The following GIGYF2 variants were observed in gnomAD, a reference collection of about 807,000 sequenced individuals.
The protein encoded by GIGYF2 is GRB10-interacting GYF protein 2.
In GIGYF2, 25 loss-of-function variants were observed where a neutral mutation model predicts 208.1. The ratio of observed to expected loss-of-function variants is 0.12; its 90% confidence interval spans 0.09 to 0.17. GIGYF2 has a LOEUF of 0.17. GIGYF2 is among the 10% of genes least tolerant of loss of function. The pLI, the probability that GIGYF2 is intolerant of heterozygous loss-of-function variation, is 1.00. For missense variants in GIGYF2, 1,302 were observed against 1,579.4 expected, an observed-to-expected ratio of 0.82 and a Z score of 2.98; for synonymous variants, 534 against 543.8, an observed-to-expected ratio of 0.98 and a Z score of 0.25.
At chr2:232,769,406 C>A (rs1054740396) in intron 8 of GIGYF2, among the ~76,000 whole-genome samples, 1 of 150,460 alleles carries the variant, frequency 6.6e-6, no homozygotes, top group African/African-American at 2.4e-5. Flanking sequence ...TGGCACATGC[C>A]TGTAATCCCA....
Position 232,833,086 on chromosome 2 carries a change from A to G in GIGYF2, c.2759A>G (p.Gln920Arg), listed in dbSNP as rs1325439998. Residue 920 changes from glutamine (Q) to arginine (R), a missense_variant, in exon 22 of 29, where the codon CAG becomes CGG. Physicochemically the swap from Gln to Arg is conservative, Grantham distance 43 (BLOSUM62 1). Around this residue, in one of 8 missense-constraint regions of GIGYF2, gnomAD observed 701 missense variants for 793.0 expected, o/e 0.88. Coordinates refer to ENST00000373563, the MANE Select transcript of GIGYF2 (RefSeq NM_001103146.3). ...CAGCAGCAGCAACAACAGCTGGCGC[A>G]GATGAAGGTAAAGCCCGAGGCATCA... ...QQQQQQQQLA[Q>R]MKLPSSSTWG... 1 of 1,550,968 alleles carries G rather than the reference A, an allele frequency of 6.4e-7. No homozygotes were observed. Among genetic ancestry groups the G allele is most frequent in the Non-Finnish European group, 8.7e-7 (1 of 1,146,358 alleles).
intron 5 of GIGYF2, among the ~76,000 whole-genome samples, chr2:232,755,727 G>T (rs904717949): frequency 1.3e-5 from 2 of 152,068 alleles, no homozygotes; most frequent in African/African-American, 4.8e-5. Flanking sequence ...TATGATTCCT[G>T]TCATTCTGTT....
At chr2:232,698,806 A>T (rs973271194) in intron 1 of GIGYF2, among the ~76,000 whole-genome samples, 6 of 152,216 alleles carry the variant, frequency 3.9e-5, no homozygotes, top group African/African-American at 1.4e-4. Context: ...GTAGTGCTTC[A>T]CCAGAAAGGA....
chr2:232,774,339 T>G (rs1423406839), intron 8 of GIGYF2, among the ~76,000 whole-genome samples: 1 of 152,168 alleles, frequency 6.6e-6, no homozygotes, highest in African/African-American at 2.4e-5. Flanking sequence ...TTCAGACCTA[T>G]TATTTGTAGG....
intron 5 of GIGYF2, among the ~76,000 whole-genome samples, chr2:232,754,024 G>A (rs923708002): frequency 9.2e-5 from 14 of 152,056 alleles, no homozygotes; most frequent in African/African-American, 3.4e-4. Context: ...AATTAGCCAG[G>A]CATGGTGGCA....
intron 8 of GIGYF2, chr2:232,768,374 T>A: frequency 6.2e-7 from 1 of 1,614,192 alleles, no homozygotes; most frequent in Admixed American, 1.7e-5. Context: ...TCAACAGAGA[T>A]GCAAAACAGT....
At chr2:232,788,902 T>A (rs1171677966) in intron 9 of GIGYF2, among the ~76,000 whole-genome samples, 1 of 152,028 alleles carries the variant, frequency 6.6e-6, no homozygotes, top group Non-Finnish European at 1.5e-5. Context: ...AAATATAAAG[T>A]TTGGGTCTGA....
chr2:232,811,904 C>T (rs1700744274), intron 17 of GIGYF2, among the ~76,000 whole-genome samples: 1 of 152,128 alleles, frequency 6.6e-6, no homozygotes, highest in Admixed American at 6.6e-5. Context: ...AGCCTTAACC[C>T]ATCCCATGAG....
At chr2:232,797,225 A>G (rs1283295008) in intron 14 of GIGYF2, among the ~76,000 whole-genome samples, 6 of 152,212 alleles carry the variant, frequency 3.9e-5, no homozygotes, top group African/African-American at 1.4e-4. Context: ...AATGCTATCT[A>G]TAAAGGATAT....
rs568414648 is a variant in GIGYF2, at chr2:232,724,695, A to G, written c.-43-10460A>G. ...CTCCCAAGTAGCTGGGACTAAGGCAAGTACCACCATACCTGGCTAATTAAA... is the reference window on the plus strand; with the variant it reads ...CTCCCAAGTAGCTGGGACTAAGGCAGGTACCACCATACCTGGCTAATTAAA... On this transcript the variant is annotated intron_variant, in intron 2 of 28. Transcript: ENST00000373563. The G allele has an allele frequency of 6.6e-6, 1 of 152,296 alleles. No homozygotes were observed. Among genetic ancestry groups the G allele is most frequent in the East Asian group, 1.9e-4 (1 of 5,180 alleles). The allele number at this position is 152,296 out of a possible 1,614,324, so 9.4% of individuals were successfully genotyped here. A position where few individuals can be genotyped will look rare whatever the true frequency, so the allele number is the denominator to read the frequency against.
At chr2:232,836,288 AT>A (rs1701600615) in intron 22 of GIGYF2, among the ~76,000 whole-genome samples, 4 of 5,770 alleles carry the variant, frequency 6.9e-4, no homozygotes, top group Admixed American at 2.2e-3. Context: ...ATATATATAT[AT>A]ATATATATAT....
rs1330191988 is a variant in GIGYF2 at position 232,858,276 on chromosome 2, C to G, written c.*1416C>G. On this transcript the variant is annotated 3_prime_UTR_variant, in exon 29 of 29. Transcript: ENST00000373563. Reference sequence around the variant, plus strand: ...GCCTGTCATTGTTGCCTGAAGAAGGCTGGAGTTGCTCTGAGAGCAGTTTGG... The same window carrying G: ...GCCTGTCATTGTTGCCTGAAGAAGGGTGGAGTTGCTCTGAGAGCAGTTTGG... 3 of 348,478 alleles carry G rather than the reference C, an allele frequency of 8.6e-6. No homozygotes were observed. Among genetic ancestry groups the G allele is most frequent in the Non-Finnish European group, 1.7e-5 (3 of 180,726 alleles). 21.6% of individuals were successfully genotyped at this position (348,478 alleles called of 1,614,324 possible).
intron 3 of GIGYF2, among the ~76,000 whole-genome samples, chr2:232,746,821 T>C (rs1380823394): frequency 6.6e-6 from 1 of 152,186 alleles, no homozygotes; most frequent in Non-Finnish European, 1.5e-5. Flanking sequence ...TATAAAAATA[T>C]AAATTGTGAT....
At chr2:232,733,257 CAAAA>C (rs397868481) in intron 2 of GIGYF2, among the ~76,000 whole-genome samples, 8 of 91,192 alleles carry the variant, frequency 8.8e-5, no homozygotes, top group Admixed American at 1.1e-4. Flanking sequence ...ACTCTTGTCT[CAAAA>C]AAAAAAAAAA....
chr2:232,846,843 T>G (rs1285576980), intron 26 of GIGYF2, among the ~76,000 whole-genome samples: 2 of 152,236 alleles, frequency 1.3e-5, no homozygotes, highest in African/African-American at 2.4e-5. Flanking sequence ...CCAGCAAATT[T>G]CAGAGTCAGG....
At chr2:232,711,515 A>T (rs1047669764) in intron 2 of GIGYF2, among the ~76,000 whole-genome samples, 1 of 151,520 alleles carries the variant, frequency 6.6e-6, no homozygotes, top group African/African-American at 2.4e-5. Context: ...TATTTTTAAT[A>T]TGACATACCT....
At chr2:232,798,691 G>A (rs1407625946) in intron 14 of GIGYF2, among the ~76,000 whole-genome samples, 1 of 151,914 alleles carries the variant, frequency 6.6e-6, no homozygotes, top group African/African-American at 2.4e-5. Flanking sequence ...ATCTTTGCAT[G>A]TTCTTACTGG....
chr2:232,854,008 A>G (rs200123402), intron 28 of GIGYF2, among the ~76,000 whole-genome samples: 297 of 152,308 alleles, frequency 1.9e-3, no homozygotes, highest in African/African-American at 6.9e-3. Flanking sequence ...CATGAGTAAA[A>G]TTAATTTAGC....
At position 232,856,954 on chromosome 2, in the gene GIGYF2, C is replaced by T; in HGVS notation, c.*94C>T. On this transcript the variant is annotated 3_prime_UTR_variant, in exon 29 of 29. Coordinates refer to ENST00000373563, the MANE Select transcript of GIGYF2 (RefSeq NM_001103146.3). ...CACTTACTCACCATTTACTCTTTATCACTCTGCAACAAATCACAGAACCGA... is the reference window on the plus strand; with the variant it reads ...CACTTACTCACCATTTACTCTTTATTACTCTGCAACAAATCACAGAACCGA... 1 of 855,872 alleles carries T rather than the reference C, an allele frequency of 1.2e-6. No individual in the cohort carries two copies. 53.0% of individuals were successfully genotyped at this position (855,872 alleles called of 1,614,324 possible).
Sources: allele counts gnomAD v4.1 joint callset (sites outside exome capture counted in the v4.1 genomes callset), GRCh38; gene constraint gnomAD v4.1.1; regional missense constraint gnomAD v4.1.1; transcripts MANE v1.5; gene names NCBI Gene and HGNC (gene_info 2026-07-23, HGNC 2026-07-21).